Variants in NLRP14 observed in about 807,000 individuals in gnomAD.
NLRP14 encodes the protein NLR family pyrin domain containing 14.
A neutral mutation model predicts 94.7 loss-of-function variants in NLRP14; 105 were observed. The ratio of observed to expected loss-of-function variants is 1.11; its 90% CI spans 0.95 to 1.30. The LOEUF (loss-of-function observed/expected upper bound fraction) is 1.30. Among genes scored for constraint, NLRP14 ranks in the 50% most tolerant of loss-of-function variants. The pLI, the probability that NLRP14 is intolerant of heterozygous loss-of-function variation, is 0.00. For synonymous variants in NLRP14, 508 were observed against 459.9 expected, an observed-to-expected ratio of 1.10 and a Z score of -1.34; for missense variants, 1,362 against 1,254.1, an observed-to-expected ratio of 1.09 and a Z score of -1.30.
chr11:7,074,904 AG>A (rs1852855638), downstream of NLRP14, among the ~76,000 whole-genome samples: 1 of 152,244 alleles, frequency 6.6e-6, no homozygotes, highest in African/African-American at 2.4e-5. Context: ...ATTTTATATA[AG>A]GTGAACATTT....
chr11:7,028,386 C>G (rs1852044006), intron 1 of NLRP14, among the ~76,000 whole-genome samples: 1 of 152,166 alleles, frequency 6.6e-6, no homozygotes, highest in African/African-American at 2.4e-5. Flanking sequence ...AATATGACTA[C>G]TTTCAGCACC....
chr11:7,082,487 C>G, the NLRP14 span, among the ~76,000 whole-genome samples: 42 of 152,250 alleles, frequency 2.8e-4, no homozygotes, highest in African/African-American at 1.0e-3. Flanking sequence ...TTCATTTGAT[C>G]CTGCCTAGTT....
chr11:7,030,361 C>G (rs1278940228), intron 1 of NLRP14, among the ~76,000 whole-genome samples: 2 of 152,212 alleles, frequency 1.3e-5, no homozygotes, highest in African/African-American at 4.8e-5. Flanking sequence ...TTAAATATAT[C>G]GAGTAGGCTC....
chr11:7,031,626 C>G (rs1212417115), intron 1 of NLRP14, among the ~76,000 whole-genome samples: 1 of 152,230 alleles, frequency 6.6e-6, no homozygotes, highest in Non-Finnish European at 1.5e-5. Context: ...GCCCCACTTT[C>G]ACCAGCCTTG....
At chr11:7,089,416 C>T in the NLRP14 span, 3 of 1,570,180 alleles carry the variant, frequency 1.9e-6, no homozygotes, top group South Asian at 1.2e-5. Flanking sequence ...CCGCCGCCTC[C>T]CCGCAGCCGC....
At chr11:7,063,142 A>G (rs1382679534) in intron 10 of NLRP14, among the ~76,000 whole-genome samples, 1 of 152,092 alleles carries the variant, frequency 6.6e-6, no homozygotes, top group Non-Finnish European at 1.5e-5. Context: ...TCCATTGACT[A>G]TATATTTTTA....
At chr11:7,084,020 A>G in the NLRP14 span, among the ~76,000 whole-genome samples, 1 of 152,200 alleles carries the variant, frequency 6.6e-6, no homozygotes, top group Non-Finnish European at 1.5e-5. Flanking sequence ...TATAAGGAAA[A>G]TAGCACATAA....
intron 10 of NLRP14, among the ~76,000 whole-genome samples, chr11:7,069,283 T>C (rs1231370156): frequency 1.3e-5 from 2 of 152,204 alleles, no homozygotes; most frequent in Non-Finnish European, 2.9e-5. Context: ...ATAAATGTGA[T>C]CACTTAACAA....
intron 5 of NLRP14, among the ~76,000 whole-genome samples, chr11:7,048,560 C>CTCAG (rs1341443306): frequency 6.6e-6 from 1 of 152,110 alleles, no homozygotes; most frequent in East Asian, 1.9e-4. Flanking sequence ...TCCTCCTGAT[C>CTCAG]TCAGTGTTTT....
intron 1 of NLRP14, among the ~76,000 whole-genome samples, chr11:7,031,347 T>C (rs75475171): frequency 0.055 from 8,409 of 152,226 alleles, 309 homozygotes; most frequent in Middle Eastern, 0.099. Flanking sequence ...GGATGTGGAC[T>C]CAGGGCCCAA....
At chr11:7,063,668 C>G (rs1272353846) in intron 10 of NLRP14, among the ~76,000 whole-genome samples, 1 of 152,048 alleles carries the variant, frequency 6.6e-6, no homozygotes, top group Non-Finnish European at 1.5e-5. Context: ...ATATGCTACT[C>G]CATTGGCCAC....
intron 3 of NLRP14, 73 bp downstream of exon 3, chr11:7,039,858 G>A (rs976799898): frequency 2.9e-5 from 34 of 1,159,916 alleles, no homozygotes; most frequent in African/African-American, 4.5e-5. Flanking sequence ...TTTATCTCCC[G>A]AGGACTTTTG....
downstream of NLRP14, among the ~76,000 whole-genome samples, chr11:7,074,717 T>C (rs574671266): frequency 6.6e-6 from 1 of 152,222 alleles, no homozygotes; most frequent in Non-Finnish European, 1.5e-5. Context: ...TCAGGATTTA[T>C]TGAGCCAGCT....
intron 9 of NLRP14, among the ~76,000 whole-genome samples, chr11:7,061,629 C>T (rs1228812073): frequency 6.6e-6 from 1 of 151,940 alleles, no homozygotes; most frequent in Non-Finnish European, 1.5e-5. Flanking sequence ...CAATATATTC[C>T]ATACGTTGTT....
chr11:7,088,998 G>A, the NLRP14 span: 10 of 1,181,046 alleles, frequency 8.5e-6, no homozygotes, highest in South Asian at 1.3e-4. Flanking sequence ...GCGGTTCCGT[G>A]GACTCGGCGA....
intron 10 of NLRP14, among the ~76,000 whole-genome samples, chr11:7,063,568 G>C (rs1852659946): frequency 6.6e-6 from 1 of 152,026 alleles, no homozygotes; most frequent in Non-Finnish European, 1.5e-5. Context: ...ATGTAGCAGA[G>C]AGAAAGACCT....
chr11:7,079,509 G>T, the NLRP14 span, among the ~76,000 whole-genome samples: 1 of 152,166 alleles, frequency 6.6e-6, no homozygotes, highest in African/African-American at 2.4e-5. Flanking sequence ...GCAATTTCGG[G>T]TATTATAAGT....
chr11:7,023,909 C>G (rs1851979743), intron 1 of NLRP14, among the ~76,000 whole-genome samples: 1 of 152,006 alleles, frequency 6.6e-6, no homozygotes, highest in Non-Finnish European at 1.5e-5. Flanking sequence ...AGGACATTAC[C>G]AAGCCATGAG....
intron 8 of NLRP14, 40 bp downstream of exon 8, chr11:7,058,490 C>CT: frequency 7.0e-7 from 1 of 1,437,158 alleles, no homozygotes; most frequent in Non-Finnish European, 9.8e-7. Flanking sequence ...ATATATTGTA[C>CT]ATTTTGAAAT....
Sources: allele counts gnomAD v4.1 joint callset (sites outside exome capture counted in the v4.1 genomes callset), GRCh38; gene constraint gnomAD v4.1.1; transcripts MANE v1.5; gene names NCBI Gene and HGNC (gene_info 2026-07-23, HGNC 2026-07-21).